MIA3: variants seen among roughly 807,000 people sequenced by gnomAD.
MIA3 encodes MIA SH3 domain ER export factor 3.
A neutral mutation model predicts 192.4 loss-of-function variants in MIA3; 90 were observed. That is an observed-to-expected ratio of 0.47 (90% CI 0.39 to 0.56). The LOEUF (loss-of-function observed/expected upper bound fraction) is 0.56. Among genes scored for constraint, MIA3 ranks in the 20% least tolerant of loss-of-function variants. The pLI is 0.00. For synonymous variants in MIA3, 740 were observed against 792.8 expected (o/e 0.93, Z 1.12); for missense variants, 2,123 against 2,269.4 (o/e 0.94, Z 1.31).
At chr1:222,626,850 G>A (rs75381103) in intron 3 of MIA3, among the ~76,000 whole-genome samples, 3,266 of 152,296 alleles carry the variant, frequency 0.021, 117 homozygotes, top group African/African-American at 0.075. Flanking sequence ...TAGACTGAGA[G>A]CCTGACAGCC....
At chr1:222,621,961 A>G (rs1440865788) in intron 2 of MIA3, among the ~76,000 whole-genome samples, 1 of 152,074 alleles carries the variant, frequency 6.6e-6, no homozygotes, top group African/African-American at 2.4e-5. Context: ...GGTGCCTGCC[A>G]CCACACGGCT....
intron 18 of MIA3, among the ~76,000 whole-genome samples, chr1:222,658,076 ATT>A (rs1663827031): frequency 6.6e-6 from 1 of 152,226 alleles, no homozygotes; most frequent in Admixed American, 6.5e-5. Context: ...GTTAAAACCA[ATT>A]TCCAGTACAT....
In MIA3 at chr1:222,630,235, A is replaced by T; in HGVS notation, c.3015A>T (p.Gly1005=). Residue 1005 remains glycine, a synonymous_variant, in exon 4 of 28, where the codon GGA becomes GGT. Transcript: ENST00000344922. The part of the protein sequence containing the change: ...DTRVAENRDL[G]MNENNIFEEA... Reference sequence around the variant, plus strand: ...GTGTGGCTGAAAATAGAGATCTGGGAATGAACGAAAATAACATATTTGAAG... The same window carrying T: ...GTGTGGCTGAAAATAGAGATCTGGGTATGAACGAAAATAACATATTTGAAG... The T allele has an allele frequency of 6.2e-7, 1 of 1,614,210 alleles. No individual in the cohort carries two copies. The highest frequency in any genetic ancestry group is 8.5e-7 in the Non-Finnish European group (1 of 1,180,028).
chr1:222,659,524 T>C lies in MIA3; in HGVS notation c.4770+11T>C. On this transcript the variant is annotated intron_variant, in intron 20 of 27. Transcript: ENST00000344922. ...TCATTTAAAAACCAGGTAATAATTC[T>C]AGTGCCCTACTATATAGTGCCCGGA... 4.2e-5 allele frequency: 68 copies of C among 1,613,064 alleles called. No homozygotes were observed. Among genetic ancestry groups the C allele is most frequent in the Non-Finnish European group, 5.6e-5 (66 of 1,179,056 alleles).
At chr1:222,650,761 G>A in intron 10 of MIA3, 32 bp from the exon 11 acceptor site, 2 of 1,561,850 alleles carry the variant, frequency 1.3e-6, no homozygotes, top group Non-Finnish European at 8.8e-7. Context: ...TAAAAGTAAT[G>A]AGTATAACTA....
At chr1:222,631,475 G>A (rs1423039670) in intron 4 of MIA3, among the ~76,000 whole-genome samples, 1 of 152,152 alleles carries the variant, frequency 6.6e-6, no homozygotes, top group African/African-American at 2.4e-5. Flanking sequence ...GGGACAGGAA[G>A]CCACAGGAAA....
chr1:222,618,359 C>G (rs887662548), intron 1 of MIA3, 116 bp downstream of exon 1: 28 of 1,077,438 alleles, frequency 2.6e-5, no homozygotes, highest in Non-Finnish European at 3.3e-5. Flanking sequence ...AGTTCCGCAG[C>G]CCCTGGCCGG....
chr1:222,667,172 T>TTGAA lies in MIA3; in HGVS notation c.*1554_*1557dup. On this transcript the variant is annotated 3_prime_UTR_variant, in exon 28 of 28. Transcript: ENST00000344922. ...AGATAGTTTAGAAAGATAAGGACCTTTGAAAGAAGACAACTCTGTCAAAGT... is the reference window on the plus strand; with the variant it reads ...AGATAGTTTAGAAAGATAAGGACCTTTGAATGAAAGAAGACAACTCTGTCAAAGT... The TTGAA allele has an allele frequency of 1.3e-5, 2 of 152,308 alleles. No homozygotes were observed. Among genetic ancestry groups the TTGAA allele is most frequent in the East Asian group, 3.9e-4 (2 of 5,184 alleles). The allele number at this position is 152,308 out of a possible 1,614,324, so 9.4% of individuals were successfully genotyped here.
rs969708487 is a variant in MIA3, at chr1:222,665,879, T to G, written c.*260T>G. On this transcript the variant is annotated 3_prime_UTR_variant, in exon 28 of 28. Coordinates refer to ENST00000344922, the MANE Select transcript of MIA3 (RefSeq NM_198551.4). ...AAGAATACCTGTGTTTTAGCTAATG[T>G]AGCATATGTAATTGCAAAATGATTT... 5.1e-5 allele frequency: 17 copies of G among 330,182 alleles called. No homozygotes were observed. Among genetic ancestry groups the G allele is most frequent in the Non-Finnish European group, 8.1e-5 (15 of 184,766 alleles). 20.5% of individuals were successfully genotyped at this position (330,182 alleles called of 1,614,324 possible).
At position 222,662,029 on chromosome 1, in the gene MIA3, T is replaced by C. The variant is rs772207556; in HGVS notation, c.5114-27T>C. 5.7e-6 allele frequency: 9 copies of C among 1,590,116 alleles called. No homozygotes were observed. The African/African-American group carries it at 6.7e-5, about 12-fold the overall frequency. On this transcript the variant is annotated intron_variant, in intron 24 of 27. Transcript: ENST00000344922. ...TATTATTTCTTCCAAAAAATACATA[T>C]AAGGACTCTGTTATTTCTTTCTCAA...
intron 6 of MIA3, chr1:222,641,858 A>C (rs1398610910): frequency 2.5e-5 from 12 of 488,814 alleles, no homozygotes; most frequent in Non-Finnish European, 4.6e-5. Context: ...ATAGTCTTGG[A>C]AGTTTTATTT....
intron 18 of MIA3, among the ~76,000 whole-genome samples, chr1:222,655,528 C>A (rs1663672892): frequency 6.6e-6 from 1 of 152,118 alleles, no homozygotes; most frequent in African/African-American, 2.4e-5. Flanking sequence ...TCTTGCTAAG[C>A]AAATTTAACT....
intron 6 of MIA3, among the ~76,000 whole-genome samples, chr1:222,633,544 C>T (rs1175851230): frequency 6.6e-6 from 1 of 152,124 alleles, no homozygotes; most frequent in African/African-American, 2.4e-5. Flanking sequence ...TGAAATGTAA[C>T]ATGATAATGG....
intron 18 of MIA3, 168 bp from the exon 19 acceptor site, chr1:222,658,554 C>A: frequency 4.2e-6 from 2 of 474,058 alleles, no homozygotes; most frequent in Non-Finnish European, 7.8e-6. Flanking sequence ...TATCAACAGG[C>A]CACAGTTGGA....
Position 222,653,084 on chromosome 1 carries a change from A to G in MIA3, c.4163A>G (p.Gln1388Arg). 6.2e-7 allele frequency: 1 copy of G among 1,612,566 alleles called. No individual in the cohort carries two copies. Among genetic ancestry groups the G allele is most frequent in the South Asian group, 1.1e-5 (1 of 91,062 alleles). The stretch of plus-strand genomic sequence containing the variant: ...CAAATCAAATCATTTGAGAAGTCTC[A>G]GAAAGATTTGGAAGTAGCTCTTACT... The part of the protein sequence containing the change: ...SEQIKSFEKS[Q>R]KDLEVALTHK... The change falls in exon 14 of 28, where the codon CAG (glutamine) becomes CGG (arginine). Residue 1388 changes from glutamine to arginine, a missense_variant. By Grantham distance (43) the Gln-to-Arg change is conservative. Transcript: ENST00000344922.
chr1:222,661,978 AC>A (rs1664036717), intron 24 of MIA3, 77 bp from the exon 25 acceptor site: 9 of 1,137,956 alleles, frequency 7.9e-6, no homozygotes, highest in Non-Finnish European at 1.2e-5. Context: ...TCCAGATAAG[AC>A]TTGAACCCTG....
At position 222,653,245 on chromosome 1, in the gene MIA3, T is replaced by G; in HGVS notation, c.4227T>G (p.Ile1409Met). The change falls in exon 15 of 28, where the codon ATT becomes ATG. Residue 1409 changes from isoleucine to methionine, a missense_variant. This residue lies in a region of MIA3 where 762 missense variants were observed against 856.4 expected (regional missense o/e 0.89). Transcript: ENST00000344922. ...TTTTCTAGGCTTTGACTAACTGCAT[T>G]ACACAGTTGAATCTGTTAGAGTGTG... ...DDNINALTNC[I>M]TQLNLLECES... is the part of the protein sequence containing the mutation. 1 of 1,613,038 alleles carries G rather than the reference T, an allele frequency of 6.2e-7. No individual in the cohort carries two copies. Among genetic ancestry groups the G allele is most frequent in the Non-Finnish European group, 8.5e-7 (1 of 1,179,076 alleles).
rs1315330596 is a variant in MIA3, at chr1:222,629,109, C to T, written c.1889C>T (p.Pro630Leu). ...EELVLKTQNQ[P>L]RFSSPDEIDL... ...TTAGTTCTTAAAACTCAAAACCAAC[C>T]TAGATTCTCCTCTCCAGATGAGATT... The change falls in exon 4 of 28, where the codon CCT becomes CTT. Residue 630 changes from proline to leucine, a missense_variant. Coordinates refer to ENST00000344922, the MANE Select transcript of MIA3 (RefSeq NM_198551.4). 1 of 1,614,218 alleles carries T rather than the reference C, an allele frequency of 6.2e-7. No individual in the cohort carries two copies. The highest frequency in any genetic ancestry group is 1.7e-5 in the Admixed American group (1 of 60,028).
intron 9 of MIA3, 26 bp from the exon 10 acceptor site, chr1:222,650,608 G>T: frequency 6.9e-7 from 1 of 1,458,918 alleles, no homozygotes; most frequent in South Asian, 1.2e-5. Flanking sequence ...TATATTTCTG[G>T]ATTCTGAATG....
Sources: allele counts gnomAD v4.1 joint callset (sites outside exome capture counted in the v4.1 genomes callset), GRCh38; gene constraint gnomAD v4.1.1; regional missense constraint gnomAD v4.1.1; transcripts MANE v1.5; gene names NCBI Gene and HGNC (gene_info 2026-07-23, HGNC 2026-07-21).